Variants in SRRM4 observed in about 807,000 individuals in gnomAD.
The protein encoded by SRRM4 is serine/arginine repetitive matrix protein 4.
Under a neutral mutation model 68.9 loss-of-function variants are expected in SRRM4, and 33 were observed. The observed-to-expected ratio is 0.48, with a 90% CI of 0.36 to 0.64. The LOEUF (loss-of-function observed/expected upper bound fraction) is 0.64, where lower values mean the gene tolerates loss of function less well. Among genes scored for constraint, SRRM4 ranks in the 30% least tolerant of loss-of-function variants. The pLI is 0.00. For synonymous variants in SRRM4, 318 were observed against 318.8 expected, an observed-to-expected ratio of 1.00 and a Z score of 0.03; for missense variants, 817 against 827.1, an observed-to-expected ratio of 0.99 and a Z score of 0.15.
intron 7 of SRRM4, among the ~76,000 whole-genome samples, chr12:119,125,877 C>A (rs995640519): frequency 6.6e-6 from 1 of 150,770 alleles, no homozygotes; most frequent in Non-Finnish European, 1.5e-5. Flanking sequence ...GCCAAGATCA[C>A]GCCATTGCAC....
chr12:119,090,951 T>C (rs1046769641), intron 1 of SRRM4, among the ~76,000 whole-genome samples: 4 of 152,222 alleles, frequency 2.6e-5, no homozygotes, highest in Non-Finnish European at 5.9e-5. Context: ...AAGCCCTTTA[T>C]CTCACTTCTT....
chr12:119,151,367 G>A (rs1954438327), intron 10 of SRRM4, 147 bp downstream of exon 10: 1 of 711,280 alleles, frequency 1.4e-6, no homozygotes, highest in Non-Finnish European at 2.4e-6. Flanking sequence ...GGTGGCCTTG[G>A]GAAAGTCAGT....
At chr12:119,122,230 A>T in intron 6 of SRRM4, 110 bp downstream of exon 6, 1 of 544,600 alleles carries the variant, frequency 1.8e-6, no homozygotes, top group Non-Finnish European at 3.2e-6. Flanking sequence ...AGGGAGGAGA[A>T]GGTGAGCGGG....
At chr12:119,077,066 C>T (rs774532913) in intron 1 of SRRM4, among the ~76,000 whole-genome samples, 2 of 138,916 alleles carry the variant, frequency 1.4e-5, no homozygotes, top group Admixed American at 1.5e-4. Flanking sequence ...CTCCTGAGAC[C>T]GAGGGAGAGT....
chr12:119,061,855 A>G (rs1953814299), intron 1 of SRRM4, among the ~76,000 whole-genome samples: 1 of 152,018 alleles, frequency 6.6e-6, no homozygotes, highest in Non-Finnish European at 1.5e-5. Context: ...GTATTTCCCC[A>G]GTTGTGACAA....
intron 1 of SRRM4, among the ~76,000 whole-genome samples, chr12:119,085,181 C>G (rs530085573): frequency 1.3e-5 from 2 of 152,322 alleles, no homozygotes; most frequent in Admixed American, 1.3e-4. Flanking sequence ...GGATTACAGG[C>G]GTGAGCCACT....
At chr12:119,086,594 A>G (rs1293513966) in intron 1 of SRRM4, among the ~76,000 whole-genome samples, 2 of 152,224 alleles carry the variant, frequency 1.3e-5, no homozygotes, top group Non-Finnish European at 2.9e-5. Flanking sequence ...GTACATTCAC[A>G]GAGGCAAGTG....
In SRRM4 at chr12:119,127,236, A is replaced by C. The variant is rs557914829; in HGVS notation, c.614+1757A>C. On this transcript the variant is annotated intron_variant, in intron 7 of 12. Coordinates refer to ENST00000267260, the MANE Select transcript of SRRM4 (RefSeq NM_194286.4). ...ATAATAAATAAATTTAAAAAAAAGA[A>C]CTGGGGCTTTATTGGTGTTTGGAAT... Among the ~76,000 whole-genome samples, 36 of 152,150 alleles carry C rather than the reference A, an allele frequency of 2.4e-4. No homozygotes were observed. The South Asian group carries it at 6.3e-3, about 26-fold the overall frequency.
chr12:119,094,859 T>C (rs1179133202), intron 1 of SRRM4, among the ~76,000 whole-genome samples: 1 of 152,194 alleles, frequency 6.6e-6, no homozygotes, highest in Non-Finnish European at 1.5e-5. Flanking sequence ...TACTTTTGGG[T>C]CTTTGAAATC....
chr12:119,108,060 A>G (rs559620729), intron 2 of SRRM4, among the ~76,000 whole-genome samples: 40 of 152,128 alleles, frequency 2.6e-4, no homozygotes, highest in African/African-American at 9.6e-4. Flanking sequence ...TTCTGCCTTC[A>G]TTTCGTTATG....
chr12:119,093,338 G>A, intron 1 of SRRM4, among the ~76,000 whole-genome samples: 1 of 152,190 alleles, frequency 6.6e-6, no homozygotes, highest in African/African-American at 2.4e-5. Context: ...AACGGTCCTT[G>A]GAAGCACCTC....
chr12:119,083,908 T>C (rs1476950718), intron 1 of SRRM4, among the ~76,000 whole-genome samples: 1 of 152,102 alleles, frequency 6.6e-6, no homozygotes, highest in Non-Finnish European at 1.5e-5. Context: ...GGAGAAGGCA[T>C]TTGAAGTGGG....
At chr12:119,124,822 G>A (rs1233111649) in intron 6 of SRRM4, among the ~76,000 whole-genome samples, 1 of 150,906 alleles carries the variant, frequency 6.6e-6, no homozygotes, top group Admixed American at 6.6e-5. Context: ...TGCCCAAAAA[G>A]GTGCCTTTAA....
intron 1 of SRRM4, among the ~76,000 whole-genome samples, chr12:118,986,136 A>G (rs569839009): frequency 4.6e-5 from 7 of 152,310 alleles, no homozygotes; most frequent in Admixed American, 2.0e-4. Context: ...GAACCATTTA[A>G]TTCAAGACTC....
chr12:119,023,376 T>C (rs1017514946), intron 1 of SRRM4, among the ~76,000 whole-genome samples: 29 of 152,212 alleles, frequency 1.9e-4, no homozygotes, highest in African/African-American at 6.5e-4. Context: ...CTGTTTATCC[T>C]TTCTTCCTCC....
In SRRM4 at chr12:119,026,883, C is replaced by T. The variant is rs186334818; in HGVS notation, c.131+44870C>T. Among the ~76,000 whole-genome samples, 595 of 152,216 alleles carry T rather than the reference C, an allele frequency of 3.9e-3. 5 individuals are homozygous for T. The highest frequency in any genetic ancestry group is 0.031 in the South Asian group (151 of 4,810). Reference sequence around the variant, plus strand: ...GTTCTAGGCATAGCATTGGAGAACCCCCAGTTTATCCACAACACCTCGGGT... The same window carrying T: ...GTTCTAGGCATAGCATTGGAGAACCTCCAGTTTATCCACAACACCTCGGGT... On this transcript the variant is annotated intron_variant, in intron 1 of 12. Coordinates refer to ENST00000267260, the MANE Select transcript of SRRM4 (RefSeq NM_194286.4).
intron 4 of SRRM4, among the ~76,000 whole-genome samples, chr12:119,119,763 G>C (rs1201466825): frequency 1.3e-5 from 2 of 151,514 alleles, no homozygotes; most frequent in African/African-American, 4.9e-5. Flanking sequence ...TGATGAGGAT[G>C]AGGAGGAGGA....
rs1216315962 is a variant in SRRM4 at position 119,102,262 on chromosome 12, T to C, written c.158T>C (p.Val53Ala). Residue 53 changes from valine to alanine, a missense_variant, in exon 2 of 13, where the codon GTC becomes GCC. Val to Ala is a moderately conservative substitution (Grantham distance 64). Transcript: ENST00000267260. ...ACAGAGCCCCAGAATAACCCCGTTG[T>C]CCCAGCTCAGGATGGACCCTCAGAA... ...PRTEPQNNPVVPAQDGPSEKL... is the reference protein window; with the variant it reads ...PRTEPQNNPVAPAQDGPSEKL... 2 of 1,613,600 alleles carry C rather than the reference T, an allele frequency of 1.2e-6. No homozygotes were observed. The highest frequency in any genetic ancestry group is 1.7e-6 in the Non-Finnish European group (2 of 1,179,782).
rs928111275 is a variant in SRRM4 at position 119,162,000 on chromosome 12, C to A, written c.*5202C>A. 42 of 151,802 alleles carry A rather than the reference C, an allele frequency of 2.8e-4. No individual in the cohort carries two copies. Among genetic ancestry groups the A allele is most frequent in the African/African-American group, 1.0e-3 (42 of 41,300 alleles). The allele number at this position is 151,802 out of a possible 1,614,324, so 9.4% of individuals were successfully genotyped here. ...ACTGCAATGGTATTCCTATGTGTTT[C>A]TTTGGCCTGTGTATCAGTCTGAATG... On this transcript the variant is annotated 3_prime_UTR_variant, in exon 13 of 13. Transcript: ENST00000267260.
Sources: allele counts gnomAD v4.1 joint callset (sites outside exome capture counted in the v4.1 genomes callset), GRCh38; gene constraint gnomAD v4.1.1; transcripts MANE v1.5; gene names NCBI Gene and HGNC (gene_info 2026-07-23, HGNC 2026-07-21).